LRRTM4: variants seen among roughly 807,000 people sequenced by gnomAD.
LRRTM4 encodes the protein leucine-rich repeat transmembrane neuronal protein 4.
In LRRTM4, 25 loss-of-function variants were observed where a neutral mutation model predicts 47.6. The observed-to-expected ratio is 0.53, with a 90% CI of 0.38 to 0.73. The LOEUF (loss-of-function observed/expected upper bound fraction) is 0.73. Among genes scored for constraint, LRRTM4 ranks in the 30% least tolerant of loss-of-function variants. The probability of loss-of-function intolerance (pLI) is 0.00; values close to 1 mark genes in which losing one functional copy is unlikely to be tolerated. For synonymous variants in LRRTM4, 311 were observed against 269.5 expected (o/e 1.15, Z -1.51); for missense variants, 638 against 713.4 (o/e 0.89, Z 1.20).
rs1335434168 is a variant in LRRTM4 at position 77,493,621 on chromosome 2, G to T, written c.1551+24697C>A. Among the ~76,000 whole-genome samples the T allele has an allele frequency of 1.3e-5, 2 of 152,006 alleles. 1 individual carries two copies. The highest frequency in any genetic ancestry group is 2.9e-5 in the Non-Finnish European group (2 of 67,962). ...ATATTTCAATACAGCTTCATGGAGA[G>T]AAGATATAATATTTTGACTCATGTC... On this transcript the variant is annotated intron_variant, in intron 3 of 3. Coordinates refer to ENST00000409884, the MANE Select transcript of LRRTM4 (RefSeq NM_001134745.3).
intron 3 of LRRTM4, among the ~76,000 whole-genome samples, chr2:77,148,191 A>G (rs1672309590): frequency 6.6e-6 from 1 of 152,122 alleles, no homozygotes; most frequent in South Asian, 2.1e-4. Flanking sequence ...TACTTCATGA[A>G]CATAGGTAAT....
At chr2:77,173,977 T>A (rs763828553) in intron 3 of LRRTM4, among the ~76,000 whole-genome samples, 1 of 152,204 alleles carries the variant, frequency 6.6e-6, no homozygotes, top group Non-Finnish European at 1.5e-5. Flanking sequence ...TTAGAAGACA[T>A]ATCTTAATAG....
At chr2:77,357,981 G>T (rs1334013689) in intron 3 of LRRTM4, among the ~76,000 whole-genome samples, 2 of 152,064 alleles carry the variant, frequency 1.3e-5, no homozygotes, top group Non-Finnish European at 2.9e-5. Context: ...GACAAAATTA[G>T]AATATAAACC....
At chr2:77,346,478 TG>T (rs551987635) in intron 3 of LRRTM4, among the ~76,000 whole-genome samples, 1 of 152,004 alleles carries the variant, frequency 6.6e-6, no homozygotes, top group African/African-American at 2.4e-5. Context: ...ATGTGTGTGC[TG>T]GGGGGGTCTA....
At chr2:76,891,146 C>T (rs544797493) in intron 3 of LRRTM4, among the ~76,000 whole-genome samples, 24 of 151,906 alleles carry the variant, frequency 1.6e-4, no homozygotes, top group Non-Finnish European at 2.7e-4. Flanking sequence ...TAAAGAGAAA[C>T]GCAAAGCAAA....
At chr2:76,957,283 A>G (rs1299205324) in intron 3 of LRRTM4, among the ~76,000 whole-genome samples, 1 of 151,620 alleles carries the variant, frequency 6.6e-6, no homozygotes, top group Non-Finnish European at 1.5e-5. Context: ...GTCATTGTTC[A>G]ATGGGTAGAG....
intron 3 of LRRTM4, among the ~76,000 whole-genome samples, chr2:77,026,088 T>C (rs948160335): frequency 1.3e-5 from 2 of 152,194 alleles, no homozygotes; most frequent in African/African-American, 4.8e-5. Context: ...GTTATTTTCT[T>C]TGCCTTGGGT....
At chr2:77,276,407 AGAAG>A (rs1676355048) in intron 3 of LRRTM4, among the ~76,000 whole-genome samples, 1 of 149,848 alleles carries the variant, frequency 6.7e-6, no homozygotes, top group African/African-American at 2.5e-5. Context: ...GGAGGGGAAA[AGAAG>A]GAAGGAGAAA....
intron 3 of LRRTM4, among the ~76,000 whole-genome samples, chr2:76,754,896 C>T (rs111571267): frequency 1.8e-4 from 28 of 152,214 alleles, no homozygotes; most frequent in South Asian, 4.1e-4. Flanking sequence ...GCAGCACTCA[C>T]GGGAGCTCAT....
intron 3 of LRRTM4, among the ~76,000 whole-genome samples, chr2:76,941,792 G>C (rs753983506): frequency 6.6e-6 from 1 of 152,074 alleles, no homozygotes; most frequent in African/African-American, 2.4e-5. Context: ...TGTGTCTTTA[G>C]AGTAGAATGA....
chr2:77,006,709 G>A (rs1311751318), intron 3 of LRRTM4, among the ~76,000 whole-genome samples: 1 of 152,114 alleles, frequency 6.6e-6, no homozygotes, highest in Admixed American at 6.6e-5. Flanking sequence ...AGACTAGAAG[G>A]GTCTGGAATC....
chr2:77,112,268 TTA>T (rs1671271752), intron 3 of LRRTM4, among the ~76,000 whole-genome samples: 1 of 152,206 alleles, frequency 6.6e-6, no homozygotes, highest in Non-Finnish European at 1.5e-5. Context: ...TTCTATTTGT[TTA>T]TGTTTTTCTT....
chr2:77,246,027 G>A (rs1345366682), intron 3 of LRRTM4, among the ~76,000 whole-genome samples: 1 of 152,134 alleles, frequency 6.6e-6, no homozygotes, highest in Non-Finnish European at 1.5e-5. Context: ...CCTTAGCTGA[G>A]TTACTTATCT....
chr2:77,091,896 A>G (rs1348196051), intron 3 of LRRTM4, among the ~76,000 whole-genome samples: 1 of 140,074 alleles, frequency 7.1e-6, no homozygotes, highest in Non-Finnish European at 1.5e-5. Context: ...CAAAACAACA[A>G]CTCCTTTCCT....
At chr2:77,186,895 T>C (rs573144450) in intron 3 of LRRTM4, among the ~76,000 whole-genome samples, 2 of 152,260 alleles carry the variant, frequency 1.3e-5, no homozygotes, top group South Asian at 4.1e-4. Flanking sequence ...AGAAACTTCT[T>C]GAAAAATAAT....
At chr2:76,904,823 T>C (rs141251130) in intron 3 of LRRTM4, among the ~76,000 whole-genome samples, 31 of 152,300 alleles carry the variant, frequency 2.0e-4, no homozygotes, top group Non-Finnish European at 2.4e-4. Context: ...CAAGGTGTTA[T>C]GGTAAAAATA....
chr2:77,136,843 A>G lies in LRRTM4; in HGVS notation c.1551+381475T>C, dbSNP rs186253374. On this transcript the variant is annotated intron_variant, in intron 3 of 3. Transcript: ENST00000409884. ...ATGTGATGAATGCACAAGCTTCAGT[A>G]GCCGATTCGATCAACTGGAAGAAAG... Among the ~76,000 whole-genome samples the G allele has an allele frequency of 1.9e-3, 283 of 152,102 alleles. 7 individuals carry two copies. The highest frequency in any genetic ancestry group is 6.6e-3 in the African/African-American group (272 of 41,374).
At chr2:77,230,408 T>C (rs1384888397) in intron 3 of LRRTM4, among the ~76,000 whole-genome samples, 1 of 152,078 alleles carries the variant, frequency 6.6e-6, no homozygotes, top group South Asian at 2.1e-4. Context: ...GATATAGAGA[T>C]AATGATCTAG....
rs551439476 is a variant in LRRTM4, at chr2:77,343,458, C to G, written c.1551+174860G>C. On this transcript the variant is annotated intron_variant, in intron 3 of 3. Transcript: ENST00000409884. Reference sequence around the variant, plus strand: ...ACTCTTGAAGACTAGTTGCTCTGAACTAGTAGTAATCAGTATCTTGTATTC... The same window carrying G: ...ACTCTTGAAGACTAGTTGCTCTGAAGTAGTAGTAATCAGTATCTTGTATTC... Among the ~76,000 whole-genome samples the G allele has an allele frequency of 2.6e-5, 4 of 151,978 alleles. No individual in the cohort carries two copies. In the South Asian group the frequency reaches 8.3e-4, roughly 32 times the overall value.
Sources: gnomAD v4.1 joint callset for allele counts (sites outside exome capture counted in the v4.1 genomes callset) on GRCh38, gnomAD v4.1.1 for gene constraint, MANE v1.5 for transcripts, NCBI Gene and HGNC (gene_info 2026-07-23, HGNC 2026-07-21) for gene names.